LANCL3: variants seen among roughly 807,000 people sequenced by gnomAD.
LANCL3 encodes LanC like family member 3.
In LANCL3, 19 loss-of-function variants were observed where a neutral mutation model predicts 26.5. The observed-to-expected ratio is 0.72, with a 90% CI of 0.50 to 1.05. The LOEUF is 1.05. LANCL3 is among the 50% of genes least tolerant of loss of function. The pLI, the probability that LANCL3 is intolerant of heterozygous loss-of-function variation, is 0.00. For synonymous variants in LANCL3, 160 were observed against 166.6 expected (o/e 0.96, Z 0.30); for missense variants, 318 against 362.7 (o/e 0.88, Z 1.00).
chrX:37,585,832 T>G (rs1329954313), intron 1 of LANCL3, among the ~76,000 whole-genome samples: 5 of 112,039 alleles, frequency 4.5e-5, no homozygotes, highest in Non-Finnish European at 7.5e-5. Flanking sequence ...AATTTGATCC[T>G]GTCATTATGA....
At chrX:37,606,741 C>T (rs782215351) in intron 1 of LANCL3, among the ~76,000 whole-genome samples, 63 of 111,953 alleles carry the variant, frequency 5.6e-4, no homozygotes, top group Middle Eastern at 4.6e-3. Context: ...CAGATGTCTC[C>T]GTGTCCAAGG....
At chrX:37,594,808 T>C (rs1479969308) in intron 1 of LANCL3, among the ~76,000 whole-genome samples, 15 of 111,504 alleles carry the variant, frequency 1.3e-4, no homozygotes, top group African/African-American at 4.2e-4. Context: ...CAAAGTAGAT[T>C]GAAATCTTGT....
rs782512464 is a variant in LANCL3, at chrX:37,573,521, A to G, written c.573+1078A>G. Reference sequence around the variant, plus strand: ...GTGAGGTTGATTCAAGTGAGAAAAAAGATTACTAAAGAATGTGCACTGTGT... The same window carrying G: ...GTGAGGTTGATTCAAGTGAGAAAAAGGATTACTAAAGAATGTGCACTGTGT... On this transcript the variant is annotated intron_variant, in intron 1 of 4. Transcript: ENST00000378619. Among the ~76,000 whole-genome samples, 3 of 111,676 alleles carry G rather than the reference A, an allele frequency of 2.7e-5. No homozygotes were observed. The South Asian group carries it at 1.1e-3, about 42-fold the overall frequency.
intron 1 of LANCL3, among the ~76,000 whole-genome samples, chrX:37,632,905 CT>C (rs1420225967): frequency 9.0e-6 from 1 of 111,356 alleles, no homozygotes; most frequent in Non-Finnish European, 1.9e-5. Flanking sequence ...TTCATTTCAA[CT>C]TTGGTGAATC....
chrX:37,682,644 TATGTGGATATATTCAAAC>T lies in LANCL3; in HGVS notation c.*6840_*6857del, dbSNP rs1185973412. 1 of 112,308 alleles carries T rather than the reference TATGTGGATATATTCAAAC, an allele frequency of 8.9e-6. No individual in the cohort carries two copies. The highest frequency in any genetic ancestry group is 1.9e-5 in the Non-Finnish European group (1 of 53,339). 9.3% of individuals were successfully genotyped at this position (112,308 alleles called of 1,213,427 possible). On this transcript the variant is annotated 3_prime_UTR_variant, in exon 5 of 5. Coordinates refer to ENST00000378619, the MANE Select transcript of LANCL3 (RefSeq NM_001170331.2). ...TTCATATTGAATGTGGTAACCCTTATATGTGGATATATTCAAACATGTGGATTGATTTAGATCATCCGT... is the reference window on the plus strand; with the variant it reads ...TTCATATTGAATGTGGTAACCCTTATATGTGGATTGATTTAGATCATCCGT...
intron 1 of LANCL3, among the ~76,000 whole-genome samples, chrX:37,637,824 G>A (rs1264262835): frequency 9.0e-6 from 1 of 110,881 alleles, no homozygotes; most frequent in African/African-American, 3.3e-5. Context: ...TCTCTGTGAA[G>A]TTTCGTCCTA....
At chrX:37,642,980 C>T (rs1043436288) in intron 1 of LANCL3, among the ~76,000 whole-genome samples, 14 of 112,149 alleles carry the variant, frequency 1.2e-4, no homozygotes, top group African/African-American at 4.5e-4. Flanking sequence ...CAAACAGGCA[C>T]TTGAACATTT....
At chrX:37,658,397 G>T (rs1036911416) in intron 2 of LANCL3, among the ~76,000 whole-genome samples, 2 of 112,264 alleles carry the variant, frequency 1.8e-5, no homozygotes, top group Non-Finnish European at 3.8e-5. Context: ...GCAGGAGAAG[G>T]CCAATGTCCC....
In LANCL3 at chrX:37,676,388, T is replaced by C. The variant is rs1556437264; in HGVS notation, c.*575T>C. 1 of 111,885 alleles carries C rather than the reference T, an allele frequency of 8.9e-6. No individual in the cohort carries two copies. Among genetic ancestry groups the C allele is most frequent in the Non-Finnish European group, 1.9e-5 (1 of 53,170 alleles). The allele number at this position is 111,885 out of a possible 1,213,427, so 9.2% of individuals were successfully genotyped here. Reference sequence around the variant, plus strand: ...TGCATATGAATCTCTATTTTTTTCATTACCCTGGGCAATTTAAAGAAATCA... The same window carrying C: ...TGCATATGAATCTCTATTTTTTTCACTACCCTGGGCAATTTAAAGAAATCA... On this transcript the variant is annotated 3_prime_UTR_variant, in exon 5 of 5. Coordinates refer to ENST00000378619, the MANE Select transcript of LANCL3 (RefSeq NM_001170331.2).
Position 37,678,209 on chromosome X carries a change from T to G in LANCL3, c.*2396T>G. 8.9e-6 allele frequency: 1 copy of G among 112,158 alleles called. No individual in the cohort carries two copies. Among genetic ancestry groups the G allele is most frequent in the Middle Eastern group, 4.6e-3 (1 of 219 alleles). The allele number at this position is 112,158 out of a possible 1,213,427, so 9.2% of individuals were successfully genotyped here. A position where few individuals can be genotyped will look rare whatever the true frequency, so the allele number is the denominator to read the frequency against. On this transcript the variant is annotated 3_prime_UTR_variant, in exon 5 of 5. Transcript: ENST00000378619. ...AACATGTTGATGAAACTTTTCATTT[T>G]CCTGAAAGAATTATAGATTTTGGAA...
At chrX:37,655,587 A>G (rs1926262976) in intron 1 of LANCL3, 101 bp from the exon 2 acceptor site, 1 of 659,348 alleles carries the variant, frequency 1.5e-6, no homozygotes, top group Admixed American at 4.2e-5. Context: ...ATAGTACAGG[A>G]TTCTGTGGAT....
intron 1 of LANCL3, among the ~76,000 whole-genome samples, chrX:37,629,930 G>A (rs1449146790): frequency 9.0e-6 from 1 of 110,657 alleles, no homozygotes; most frequent in African/African-American, 3.3e-5. Context: ...TTGGCGATGC[G>A]GGCTCTTTTT....
chrX:37,650,235 G>A (rs1556428341), intron 1 of LANCL3, among the ~76,000 whole-genome samples: 2 of 104,072 alleles, frequency 1.9e-5, no homozygotes, highest in African/African-American at 3.5e-5. Flanking sequence ...TCCAGGAGGT[G>A]GAGGTTGCAG....
rs1442422267 is a variant in LANCL3, at chrX:37,682,065, G to A, written c.*6252G>A. On this transcript the variant is annotated 3_prime_UTR_variant, in exon 5 of 5. Coordinates refer to ENST00000378619, the MANE Select transcript of LANCL3 (RefSeq NM_001170331.2). Reference sequence around the variant, plus strand: ...CATACAGTTTCTTAAGTAGAGTAATGCAATTCTTGCTGATGTTTTATTTTT... The same window carrying A: ...CATACAGTTTCTTAAGTAGAGTAATACAATTCTTGCTGATGTTTTATTTTT... The A allele has an allele frequency of 9.0e-6, 1 of 111,027 alleles. No individual in the cohort carries two copies. Among genetic ancestry groups the A allele is most frequent in the Non-Finnish European group, 1.9e-5 (1 of 52,792 alleles). 9.1% of individuals were successfully genotyped at this position (111,027 alleles called of 1,213,427 possible).
chrX:37,623,048 G>C (rs782432591), intron 1 of LANCL3, among the ~76,000 whole-genome samples: 1 of 111,687 alleles, frequency 9.0e-6, no homozygotes, highest in East Asian at 2.8e-4. Flanking sequence ...TTGAGTGCAG[G>C]GTCATTTTTT....
At chrX:37,574,342 A>G (rs1365591317) in intron 1 of LANCL3, among the ~76,000 whole-genome samples, 17 of 111,366 alleles carry the variant, frequency 1.5e-4, no homozygotes, top group Non-Finnish European at 7.5e-5. Flanking sequence ...AATTTGTGTC[A>G]TTTCTCTATA....
chrX:37,670,046 A>G (rs1926644407), intron 4 of LANCL3, among the ~76,000 whole-genome samples: 1 of 112,863 alleles, frequency 8.9e-6, no homozygotes, highest in South Asian at 3.6e-4. Context: ...AATAATGGAC[A>G]CTTGACATTT....
intron 1 of LANCL3, among the ~76,000 whole-genome samples, chrX:37,608,753 A>G (rs1924781238): frequency 8.9e-6 from 1 of 112,280 alleles, no homozygotes; most frequent in Non-Finnish European, 1.9e-5. Context: ...AAAATTATCA[A>G]ATTGCCTTTA....
chrX:37,640,910 A>G (rs1330718019), intron 1 of LANCL3, among the ~76,000 whole-genome samples: 1 of 111,570 alleles, frequency 9.0e-6, no homozygotes, highest in Non-Finnish European at 1.9e-5. Context: ...GGCATAAAAC[A>G]AAAATTGAAT....
Sources: allele counts gnomAD v4.1 joint callset (sites outside exome capture counted in the v4.1 genomes callset), GRCh38; gene constraint gnomAD v4.1.1; transcripts MANE v1.5; gene names NCBI Gene and HGNC (gene_info 2026-07-23, HGNC 2026-07-21).